Variants in PRDM15 observed in about 807,000 individuals in gnomAD.
PRDM15 encodes the protein PR domain zinc finger protein 15.
A neutral mutation model predicts 128.6 loss-of-function variants in PRDM15; 64 were observed. The ratio of observed to expected loss-of-function variants is 0.50; its 90% confidence interval spans 0.41 to 0.61. PRDM15 has a LOEUF of 0.61. Ranked by LOEUF, PRDM15 falls within the 20% of genes least tolerant of loss-of-function variation. The pLI is 0.00. For missense variants in PRDM15, 1,242 were observed against 1,569.1 expected (o/e 0.79, Z 3.52); for synonymous variants, 615 against 621.8 (o/e 0.99, Z 0.16).
At chr21:41,873,536 C>T (rs557919903) in intron 1 of PRDM15, among the ~76,000 whole-genome samples, 2 of 152,278 alleles carry the variant, frequency 1.3e-5, no homozygotes, top group East Asian at 3.9e-4. Flanking sequence ...TTATAGCTCC[C>T]GTGACCTGAA....
chr21:41,821,382 G>T lies in PRDM15; in HGVS notation c.1897-152C>A. 1 of 936,212 alleles carries T rather than the reference G, an allele frequency of 1.1e-6. No individual in the cohort carries two copies. Among genetic ancestry groups the T allele is most frequent in the Non-Finnish European group, 1.6e-6 (1 of 631,126 alleles). 58.0% of individuals were successfully genotyped at this position (936,212 alleles called of 1,614,324 possible). A position where few individuals can be genotyped will look rare whatever the true frequency, so the allele number is the denominator to read the frequency against. ...TGGAAGGGACTCTCAGAGGCTTGATGGGGAACTTTTCCGAAGCCATAAGGC... is the reference window on the plus strand; with the variant it reads ...TGGAAGGGACTCTCAGAGGCTTGATTGGGAACTTTTCCGAAGCCATAAGGC... On this transcript the variant is annotated intron_variant, in intron 15 of 23. Transcript: ENST00000398548. The surrounding 1 kb of genome is among the most constrained non-coding windows in gnomAD (Gnocchi z 5.4).
chr21:41,802,570 CAG>C (rs2061443543), intron 23 of PRDM15, 140 bp downstream of exon 23: 2 of 727,084 alleles, frequency 2.8e-6, no homozygotes, highest in Non-Finnish European at 4.9e-6. Flanking sequence ...AAGTGAAAAA[CAG>C]AATGTCTGCT....
In PRDM15 at chr21:41,862,114, G is replaced by T; in HGVS notation, c.-9-1742C>A. 2.6e-6 allele frequency: 2 copies of T among 783,378 alleles called. No individual in the cohort carries two copies. The highest frequency in any genetic ancestry group is 4.4e-6 in the Non-Finnish European group (2 of 456,408). The allele number at this position is 783,378 out of a possible 1,614,324, so 48.5% of individuals were successfully genotyped here. Reference sequence around the variant, plus strand: ...CAAAGGGCAGAAGAAACCCAGAGTGGGGTGGGGAGGGCGCACGCTTTCATG... The same window carrying T: ...CAAAGGGCAGAAGAAACCCAGAGTGTGGTGGGGAGGGCGCACGCTTTCATG... On this transcript the variant is annotated intron_variant, in intron 1 of 23. Coordinates refer to ENST00000398548, the MANE Select transcript of PRDM15 (RefSeq NM_001040424.3). This position sits in a 1 kb window ranked among gnomAD's most constrained non-coding sequence, Gnocchi z 4.1.
intron 1 of PRDM15, among the ~76,000 whole-genome samples, chr21:41,863,834 A>C (rs2063906045): frequency 1.3e-5 from 2 of 151,780 alleles, no homozygotes; most frequent in Admixed American, 1.3e-4. Context: ...ACCTAAACAA[A>C]CATGCCCAAA....
intron 16 of PRDM15, among the ~76,000 whole-genome samples, 170 bp downstream of exon 16, chr21:41,820,897 C>T (rs1382517295): frequency 6.6e-6 from 1 of 152,186 alleles, no homozygotes; most frequent in Non-Finnish European, 1.5e-5. Context: ...GCCCTGCTGC[C>T]CCTAGCCCAG....
rs139162933 is a variant in PRDM15, at chr21:41,822,032, G to A, written c.1767C>T (p.Ile589=). 4.6e-4 allele frequency: 745 copies of A among 1,613,972 alleles called. 2 individuals are homozygous for A. In the African/African-American group the frequency reaches 6.4e-3, roughly 14 times the overall value. Residue 589 remains isoleucine (I), a synonymous_variant, in exon 15 of 24, where the codon ATC becomes ATT. Transcript: ENST00000398548. ...RDHIHVHFKD[I]ALMDDHQREE... ...CCCTCTGGTGGTCATCCATCAACGC[G>A]ATGTCCTGGAAAACAGCCACCACTT...
intron 1 of PRDM15, among the ~76,000 whole-genome samples, chr21:41,869,093 T>G (rs1265765033): frequency 6.6e-6 from 1 of 152,178 alleles, no homozygotes; most frequent in Admixed American, 6.5e-5. Flanking sequence ...TTGCAAGTAT[T>G]TTCTCCCTGT....
At chr21:41,857,829 A>T (rs957618556) in intron 3 of PRDM15, among the ~76,000 whole-genome samples, 1 of 152,222 alleles carries the variant, frequency 6.6e-6, no homozygotes, top group Non-Finnish European at 1.5e-5. Context: ...TGAGGTTGTG[A>T]TGATGCCCTC....
chr21:41,845,484 G>A (rs1568974703), intron 6 of PRDM15, among the ~76,000 whole-genome samples: 1 of 151,680 alleles, frequency 6.6e-6, no homozygotes, highest in Admixed American at 6.6e-5. Context: ...GCCGTCACCT[G>A]GAAGGAATGC....
At chr21:41,858,621 GCCCAGAGCACAGGC>G (rs1776290899) in intron 3 of PRDM15, among the ~76,000 whole-genome samples, 1 of 151,684 alleles carries the variant, frequency 6.6e-6, no homozygotes, top group Non-Finnish European at 1.5e-5. Flanking sequence ...GACATGAGGT[GCCCAGAGCACAGGC>G]CCCTCAGGGC....
intron 4 of PRDM15, among the ~76,000 whole-genome samples, chr21:41,856,043 CCTTT>C (rs1375331279): frequency 8.4e-5 from 3 of 35,596 alleles, no homozygotes; most frequent in Non-Finnish European, 1.5e-4. Context: ...TCCCTTCCTT[CCTTT>C]CCTTCCTTCC....
rs565263879 is a variant in PRDM15 at position 41,861,373 on chromosome 21, C to T, written c.-9-1001G>A. The stretch of plus-strand genomic sequence containing the variant: ...TAGATGAGCATAAACTGACACCCCC[C>T]ACACACATATATTCACAGGGTGGAT... On this transcript the variant is annotated intron_variant, in intron 1 of 23. Transcript: ENST00000398548. 3.3e-5 allele frequency among the ~76,000 whole-genome samples: 5 copies of T among 152,270 alleles called. No individual in the cohort carries two copies. The South Asian group carries it at 8.3e-4, about 25-fold the overall frequency.
rs1337898976 is a variant in PRDM15 at position 41,815,718 on chromosome 21, G to A, written c.2379C>T (p.Cys793=). ...CCTCGGACTCACCCGTGTGCCGCTT[G>A]CAGTGCTTGAGCATGTTGACCTTCT... ...FAQKVNMLKH[C]KRHTGIKDFM... is the part of the protein sequence containing the mutation. The change falls in exon 19 of 24, where the codon TGC becomes TGT. Residue 793 remains cysteine (C), a synonymous_variant. Coordinates refer to ENST00000398548, the MANE Select transcript of PRDM15 (RefSeq NM_001040424.3). The A allele has an allele frequency of 3.1e-6, 5 of 1,613,784 alleles. No individual in the cohort carries two copies. Among genetic ancestry groups the A allele is most frequent in the South Asian group, 2.2e-5 (2 of 91,088 alleles).
intron 7 of PRDM15, 138 bp from the exon 8 acceptor site, chr21:41,838,201 GAA>G (rs150670301): frequency 4.3e-6 from 3 of 699,370 alleles, no homozygotes; most frequent in Non-Finnish European, 6.5e-6. Flanking sequence ...TTACAGAGGG[GAA>G]AAAAAAAACT....
At chr21:41,834,896 C>T (rs1032528335) in intron 11 of PRDM15, among the ~76,000 whole-genome samples, 10 of 152,336 alleles carry the variant, frequency 6.6e-5, no homozygotes, top group African/African-American at 2.4e-4. Flanking sequence ...CGGCTTCAGG[C>T]CTCACACAAG....
At chr21:41,806,533 ATCACTACCACC>A (rs2146217674) in intron 21 of PRDM15, among the ~76,000 whole-genome samples, 1 of 54,398 alleles carries the variant, frequency 1.8e-5, no homozygotes, top group Admixed American at 1.7e-4. Context: ...CACCACCACC[ATCACTACCACC>A]AACATCACCA....
rs1298769012 is a variant in PRDM15, at chr21:41,821,218, G to A, written c.1909C>T (p.Arg637Trp). Residue 637 changes from arginine to tryptophan, a missense_variant, in exon 16 of 24, where the codon CGG (arginine) becomes TGG (tryptophan). Arg to Trp is a moderately radical substitution (Grantham distance 101, BLOSUM62 -3). Around this residue, in one of 3 missense-constraint regions of PRDM15, gnomAD observed 602 missense variants for 788.3 expected, o/e 0.76. Transcript: ENST00000398548. The surrounding 1 kb of genome is among the most constrained non-coding windows in gnomAD (Gnocchi z 5.4). ...SCKRCQLTFGRGKEYLKHIME... is the reference protein window; with the variant it reads ...SCKRCQLTFGWGKEYLKHIME... ...ATGTGCTTCAGGTACTCCTTCCCCC[G>A]GCCGAAGGTGAGCTGCGGGCCAGGT... 6.2e-7 allele frequency: 1 copy of A among 1,614,070 alleles called. No homozygotes were observed. The highest frequency in any genetic ancestry group is 2.2e-5 in the East Asian group (1 of 44,884).
chr21:41,877,311 C>T (rs1343762382), intron 1 of PRDM15: 1 of 152,532 alleles, frequency 6.6e-6, no homozygotes, highest in African/African-American at 2.4e-5. Context: ...CACCTCCACT[C>T]CCCTGCCCAG....
At chr21:41,833,409 G>GGGACCCCCACTGC (rs2062763114) in intron 11 of PRDM15, among the ~76,000 whole-genome samples, 11 of 152,122 alleles carry the variant, frequency 7.2e-5, no homozygotes, top group Admixed American at 7.2e-4. Context: ...TGCCCCGCTG[G>GGGACCCCCACTGC]GGACCCCCAC....
Sources: gnomAD v4.1 joint callset for allele counts (sites outside exome capture counted in the v4.1 genomes callset) on GRCh38, gnomAD v4.1.1 for gene constraint, gnomAD v4.1.1 regional missense constraint, Gnocchi (gnomAD v3.1) non-coding constraint, MANE v1.5 for transcripts, NCBI Gene and HGNC (gene_info 2026-07-23, HGNC 2026-07-21) for gene names.